The following COG2 variants were observed in gnomAD, a reference collection of about 807,000 sequenced individuals.
The protein encoded by COG2 is conserved oligomeric Golgi complex subunit 2.
COG2 carries 52 observed loss-of-function variants against 90.6 expected under a neutral mutation model. The observed-to-expected ratio is 0.57, with a 90% CI of 0.46 to 0.72. COG2 has a LOEUF of 0.72. COG2 is among the 30% of genes least tolerant of loss of function. COG2 has a pLI of 0.00. For synonymous variants in COG2, 337 were observed against 320.4 expected, an observed-to-expected ratio of 1.05 and a Z score of -0.55; for missense variants, 829 against 891.2, an observed-to-expected ratio of 0.93 and a Z score of 0.89.
intron 1 of COG2, among the ~76,000 whole-genome samples, chr1:230,653,983 G>C (rs12404667): frequency 0.047 from 7,118 of 152,156 alleles, 209 homozygotes; most frequent in Middle Eastern, 0.088. Context: ...AAATTTTCTT[G>C]TATGTTTAAG....
chr1:230,661,876 T>G (rs754617602), intron 3 of COG2, among the ~76,000 whole-genome samples: 213 of 152,166 alleles, frequency 1.4e-3, no homozygotes, highest in Non-Finnish European at 1.5e-3. Context: ...GAAAATAGTT[T>G]TTGTGATCCA....
Position 230,642,555 on chromosome 1 carries a change from C to T in COG2, c.-52C>T. On this transcript the variant is annotated 5_prime_UTR_variant, in exon 1 of 18. Coordinates refer to ENST00000366669, the MANE Select transcript of COG2 (RefSeq NM_007357.3). ...CGGCCGCCGAGTCGGTCTGCGCAGC[C>T]TCCTGCGTTTTCTCGCTTGGATCTT... 2 of 1,571,046 alleles carry T rather than the reference C, an allele frequency of 1.3e-6. No individual in the cohort carries two copies. Among genetic ancestry groups the T allele is most frequent in the East Asian group, 2.3e-5 (1 of 43,522 alleles).
intron 9 of COG2, chr1:230,678,680 C>G: frequency 7.0e-7 from 1 of 1,435,368 alleles, no homozygotes. Flanking sequence ...GTGCCTGGGT[C>G]TCAGATGGGC....
chr1:230,653,377 C>T (rs978936142), intron 1 of COG2, among the ~76,000 whole-genome samples: 29 of 151,880 alleles, frequency 1.9e-4, no homozygotes, highest in African/African-American at 6.8e-4. Flanking sequence ...CATGCCACCA[C>T]GCCGGGCTAA....
At chr1:230,653,781 G>T (rs1305775558) in intron 1 of COG2, among the ~76,000 whole-genome samples, 1 of 152,096 alleles carries the variant, frequency 6.6e-6, no homozygotes, top group Non-Finnish European at 1.5e-5. Context: ...GTGTCAAAAT[G>T]GGGTGTAGGG....
At position 230,663,131 on chromosome 1, in the gene COG2, T is replaced by G. The variant is rs368422424; in HGVS notation, c.301-10T>G. The G allele has an allele frequency of 3.5e-5, 55 of 1,585,784 alleles. No homozygotes were observed. The South Asian group carries it at 5.4e-4, about 15-fold the overall frequency. ...ATCTCTGCAGTACTTTTTTTTTTTG[T>G]CTTTTAAAGAGCCTTAGATCGTCTG... is the stretch of plus-strand genomic sequence containing the variant. On this transcript the variant is annotated splice_polypyrimidine_tract_variant and intron_variant, in intron 3 of 17. Coordinates refer to ENST00000366669, the MANE Select transcript of COG2 (RefSeq NM_007357.3).
In COG2 at chr1:230,693,422, C is replaced by G; in HGVS notation, c.*29C>G. Reference sequence around the variant, plus strand: ...TCTTGGAAGATCCCGAGGTTAGATTCTTAAGCAAGAGAAGAGTTGGACTTC... The same window carrying G: ...TCTTGGAAGATCCCGAGGTTAGATTGTTAAGCAAGAGAAGAGTTGGACTTC... On this transcript the variant is annotated 3_prime_UTR_variant, in exon 18 of 18. Transcript: ENST00000366669. 2 of 1,439,374 alleles carry G rather than the reference C, an allele frequency of 1.4e-6. No homozygotes were observed. Among genetic ancestry groups the G allele is most frequent in the Non-Finnish European group, 1.9e-6 (2 of 1,030,818 alleles). 89.2% of individuals were successfully genotyped at this position (1,439,374 alleles called of 1,614,324 possible).
intron 10 of COG2, chr1:230,681,705 A>G (rs746886980): frequency 2.6e-5 from 4 of 152,204 alleles, no homozygotes; most frequent in Non-Finnish European, 5.9e-5. Flanking sequence ...AAACCACAGC[A>G]TGGCTTTTCA....
At chr1:230,668,622 T>C in intron 5 of COG2, 54 bp from the exon 6 acceptor site, 1 of 1,090,860 alleles carries the variant, frequency 9.2e-7, no homozygotes, top group South Asian at 1.5e-5. Context: ...TGATGTATTC[T>C]CGTGGAAATA....
rs767035846 is a variant in COG2 at position 230,691,506 on chromosome 1, G to GCGA, written c.2065_2067dup (p.Asp689dup). The GCGA allele has an allele frequency of 1.2e-6, 2 of 1,614,190 alleles. No homozygotes were observed. The highest frequency in any genetic ancestry group is 8.5e-7 in the Non-Finnish European group (1 of 1,180,032). Reference sequence around the variant, plus strand: ...CCCGTCGGTCCCAGTGGTGGCATGAGCGACGACGACAAAATCAGGCTGCAG... The same window carrying GCGA: ...CCCGTCGGTCCCAGTGGTGGCATGAGCGACGACGACGACAAAATCAGGCTGCAG... On this transcript the variant is annotated inframe_insertion, in exon 17 of 18. Coordinates refer to ENST00000366669, the MANE Select transcript of COG2 (RefSeq NM_007357.3).
rs566939239 is a variant in COG2, at chr1:230,667,342, G to C, written c.486-1334G>C. ...TAGACACTGCAGTCTTCCTTGCTCCGAATCATCTTTGAGGAGCTTTTCTGA... is the reference window on the plus strand; with the variant it reads ...TAGACACTGCAGTCTTCCTTGCTCCCAATCATCTTTGAGGAGCTTTTCTGA... On this transcript the variant is annotated intron_variant, in intron 5 of 17. Transcript: ENST00000366669. Among the ~76,000 whole-genome samples the C allele has an allele frequency of 2.0e-5, 3 of 151,808 alleles. No individual in the cohort carries two copies. In the East Asian group the frequency reaches 5.8e-4, roughly 29 times the overall value.
intron 16 of COG2, chr1:230,690,455 A>G (rs1312674855): frequency 8.0e-6 from 2 of 249,888 alleles, no homozygotes; most frequent in African/African-American, 2.2e-5. Flanking sequence ...AGGTCCAGCC[A>G]CATTCTTCTG....
At position 230,689,092 on chromosome 1, in the gene COG2, A is replaced by G. The variant is rs112055653; in HGVS notation, c.1794+530A>G. Among the ~76,000 whole-genome samples, 1,199 of 152,274 alleles carry G rather than the reference A, an allele frequency of 7.9e-3. 13 individuals are homozygous for G. The highest frequency in any genetic ancestry group is 0.027 in the African/African-American group (1,125 of 41,558). On this transcript the variant is annotated intron_variant, in intron 15 of 17. Coordinates refer to ENST00000366669, the MANE Select transcript of COG2 (RefSeq NM_007357.3). Reference sequence around the variant, plus strand: ...CACACCAAAATCCCAGCATTTTGGGAAGCCGAGGCAGGAGGATTGCTTAAA... The same window carrying G: ...CACACCAAAATCCCAGCATTTTGGGGAGCCGAGGCAGGAGGATTGCTTAAA...
At position 230,664,733 on chromosome 1, in the gene COG2, C is replaced by T. The variant is rs146916814; in HGVS notation, c.485+146C>T. The T allele has an allele frequency of 6.2e-4, 316 of 509,750 alleles. 1 individual carries two copies. The highest frequency in any genetic ancestry group is 9.6e-4 in the Non-Finnish European group (281 of 292,454). 31.6% of individuals were successfully genotyped at this position (509,750 alleles called of 1,614,324 possible). On this transcript the variant is annotated intron_variant, in intron 5 of 17. Coordinates refer to ENST00000366669, the MANE Select transcript of COG2 (RefSeq NM_007357.3). ...AATGTAGCTCAAGCAAAGCAGAGTGCATGAAATGGTAAAGCTTATACATAT... is the reference window on the plus strand; with the variant it reads ...AATGTAGCTCAAGCAAAGCAGAGTGTATGAAATGGTAAAGCTTATACATAT...
rs543140389 is a variant in COG2 at position 230,678,875 on chromosome 1, G to A, written c.1027-38G>A. ...GTACATGCTCCCTGTTCTAGTTAGT[G>A]TTCTAATAATGAAAATTTTCCTTTT... is the stretch of plus-strand genomic sequence containing the variant. On this transcript the variant is annotated intron_variant, in intron 9 of 17. Transcript: ENST00000366669. 160 of 1,598,218 alleles carry A rather than the reference G, an allele frequency of 1.0e-4. No homozygotes were observed. The South Asian group carries it at 1.5e-3, about 15-fold the overall frequency.
rs772797048 is a variant in COG2, at chr1:230,659,674, C to T, written c.234+49C>T. The T allele has an allele frequency of 3.8e-6, 6 of 1,563,778 alleles. No homozygotes were observed. The African/African-American group carries it at 6.8e-5, about 18-fold the overall frequency. On this transcript the variant is annotated intron_variant, in intron 2 of 17. Coordinates refer to ENST00000366669, the MANE Select transcript of COG2 (RefSeq NM_007357.3). ...ATTTACATACATACAATTTCTTTCTCACTCATACTTATTCTTAGAAGTGTT... is the reference window on the plus strand; with the variant it reads ...ATTTACATACATACAATTTCTTTCTTACTCATACTTATTCTTAGAAGTGTT...
At chr1:230,657,395 C>T (rs1558269468) in intron 1 of COG2, among the ~76,000 whole-genome samples, 1 of 152,134 alleles carries the variant, frequency 6.6e-6, no homozygotes, top group African/African-American at 2.4e-5. Context: ...ATATTGGCCC[C>T]CAGTCTCTTC....
At chr1:230,689,501 C>T (rs1194012255) in intron 15 of COG2, among the ~76,000 whole-genome samples, 1 of 152,206 alleles carries the variant, frequency 6.6e-6, no homozygotes, top group African/African-American at 2.4e-5. Context: ...TTGTCATTTG[C>T]AGATGAAGAA....
intron 1 of COG2, among the ~76,000 whole-genome samples, chr1:230,648,820 C>T (rs145686932): frequency 0.011 from 1,690 of 152,250 alleles, 16 homozygotes; most frequent in Non-Finnish European, 0.017. Context: ...TGGGCTTTCT[C>T]AGGTGTCCCT....
Sources: gnomAD v4.1 joint callset for allele counts (sites outside exome capture counted in the v4.1 genomes callset) on GRCh38, gnomAD v4.1.1 for gene constraint, MANE v1.5 for transcripts, NCBI Gene and HGNC (gene_info 2026-07-23, HGNC 2026-07-21) for gene names.